Variants in MLANA observed in about 807,000 individuals in gnomAD.
MLANA encodes the protein melanoma antigen recognized by T-cells 1.
MLANA carries 21 observed loss-of-function variants against 15.7 expected under a neutral mutation model. The ratio of observed to expected loss-of-function variants is 1.33; its 90% CI spans 0.95 to 1.92. The LOEUF is 1.92. Among genes scored for constraint, MLANA ranks in the 40% most tolerant of loss-of-function variants. The probability of loss-of-function intolerance (pLI) is 0.00; values close to 1 mark genes in which losing one functional copy is unlikely to be tolerated. For synonymous variants in MLANA, 56 were observed against 51.5 expected, an observed-to-expected ratio of 1.09 and a Z score of -0.37; for missense variants, 164 against 143.8, an observed-to-expected ratio of 1.14 and a Z score of -0.72.
intron 2 of MLANA, among the ~76,000 whole-genome samples, chr9:5,893,017 C>T (rs1831752302): frequency 6.6e-6 from 1 of 152,144 alleles, no homozygotes; most frequent in Non-Finnish European, 1.5e-5. Flanking sequence ...ATGGAGGTCA[C>T]AGCCTTTGCA....
chr9:5,905,885 G>T (rs1055643380), intron 3 of MLANA, among the ~76,000 whole-genome samples: 1 of 152,070 alleles, frequency 6.6e-6, no homozygotes, highest in Non-Finnish European at 1.5e-5. Flanking sequence ...CATTCATATC[G>T]GCACAGAATA....
At position 5,910,249 on chromosome 9, in the gene MLANA, T is replaced by G; in HGVS notation, c.*1541T>G. The G allele has an allele frequency of 6.6e-6, 1 of 152,218 alleles. No homozygotes were observed. The highest frequency in any genetic ancestry group is 1.9e-4 in the East Asian group (1 of 5,196). The allele number at this position is 152,218 out of a possible 1,614,324, so 9.4% of individuals were successfully genotyped here. On this transcript the variant is annotated 3_prime_UTR_variant, in exon 5 of 5. Coordinates refer to ENST00000381477, the MANE Select transcript of MLANA (RefSeq NM_005511.2). ...TCAGTAAACCACCTAAAAATCATCTTGTCTCATCAGAAACACTAGTGTAAC... is the reference window on the plus strand; with the variant it reads ...TCAGTAAACCACCTAAAAATCATCTGGTCTCATCAGAAACACTAGTGTAAC...
chr9:5,892,062 C>T (rs1232725221), intron 1 of MLANA, among the ~76,000 whole-genome samples: 1 of 152,216 alleles, frequency 6.6e-6, no homozygotes, highest in Admixed American at 6.5e-5. Flanking sequence ...TTGTTAGCCA[C>T]AGCCCTGGGC....
intron 3 of MLANA, 84 bp downstream of exon 3, chr9:5,897,737 A>AGG: frequency 8.5e-7 from 1 of 1,178,634 alleles, no homozygotes; most frequent in Non-Finnish European, 1.3e-6. Context: ...GGAGAGTCAG[A>AGG]TAATTGCCTC....
chr9:5,900,727 G>A (rs1298761281), intron 3 of MLANA, among the ~76,000 whole-genome samples: 1 of 152,142 alleles, frequency 6.6e-6, no homozygotes, highest in Non-Finnish European at 1.5e-5. Flanking sequence ...CCTGAGCCCT[G>A]GAAAACATCT....
Position 5,908,699 on chromosome 9 carries a change from T to A in MLANA, c.348T>A (p.Tyr116Ter). The change falls in exon 5 of 5, where the codon TAT (tyrosine) becomes TAA (stop). Residue 116 changes from tyrosine to a stop codon, truncating the protein, a stop_gained. Transcript: ENST00000381477. LOFTEE classifies it high-confidence loss of function. The part of the protein sequence containing the change: ...KLSAEQSPPP[Y>*]SP Reference sequence around the variant, plus strand: ...CTGCAGAACAGTCACCACCACCTTATTCACCTTAAGAGCCAGCGAGACACC... The same window carrying A: ...CTGCAGAACAGTCACCACCACCTTAATCACCTTAAGAGCCAGCGAGACACC... 6.2e-7 allele frequency: 1 copy of A among 1,614,006 alleles called. No homozygotes were observed. The highest frequency in any genetic ancestry group is 8.5e-7 in the Non-Finnish European group (1 of 1,179,900).
intron 3 of MLANA, among the ~76,000 whole-genome samples, chr9:5,902,270 G>C (rs1832482750): frequency 6.6e-6 from 1 of 152,038 alleles, no homozygotes. Context: ...CATTCACCTA[G>C]GTTTTCAAAT....
chr9:5,894,651 G>A lies in MLANA; in HGVS notation c.77+2100G>A, dbSNP rs926610855. 2.6e-5 allele frequency among the ~76,000 whole-genome samples: 4 copies of A among 152,280 alleles called. No individual in the cohort carries two copies. Among genetic ancestry groups the A allele is most frequent in the South Asian group, 2.1e-4 (1 of 4,812 alleles). On this transcript the variant is annotated intron_variant, in intron 2 of 4. Transcript: ENST00000381477. This position sits in a 1 kb window ranked among gnomAD's most constrained non-coding sequence, Gnocchi z 4.0. ...TAATGAAGCTGGCTCTGACAATGCC[G>A]GAAAACGAGCTGGTGCTTGGCATAT...
intron 3 of MLANA, chr9:5,899,181 A>T (rs1171271284): frequency 6.6e-6 from 1 of 152,198 alleles, no homozygotes; most frequent in Non-Finnish European, 1.5e-5. Flanking sequence ...CATAATGGAA[A>T]AAAAGTATCT....
rs553864855 is a variant in MLANA at position 5,904,134 on chromosome 9, C to T, written c.175-2751C>T. ...TGGTCTCCCAAAGTGCTTGGGATTA[C>T]AGGTGTGAGCCACCATGCCTGGCCT... On this transcript the variant is annotated intron_variant, in intron 3 of 4. Transcript: ENST00000381477. 3.5e-4 allele frequency among the ~76,000 whole-genome samples: 53 copies of T among 152,254 alleles called. 1 individual carries two copies. The highest frequency in any genetic ancestry group is 3.4e-3 in the Admixed American group (52 of 15,304).
intron 2 of MLANA, among the ~76,000 whole-genome samples, chr9:5,893,058 G>C (rs1394536833): frequency 6.6e-6 from 1 of 152,136 alleles, no homozygotes; most frequent in South Asian, 2.1e-4. Context: ...AAGACATTGG[G>C]TTTTATGAGT....
intron 3 of MLANA, among the ~76,000 whole-genome samples, chr9:5,899,871 T>C (rs776386506): frequency 6.6e-6 from 1 of 152,198 alleles, no homozygotes. Flanking sequence ...TTGTCTGCCA[T>C]TGAGTTGCTT....
chr9:5,905,883 T>G (rs1418381930), intron 3 of MLANA, among the ~76,000 whole-genome samples: 1 of 152,242 alleles, frequency 6.6e-6, no homozygotes, highest in East Asian at 1.9e-4. Flanking sequence ...GTCATTCATA[T>G]CGGCACAGAA....
intron 3 of MLANA, among the ~76,000 whole-genome samples, chr9:5,906,634 G>A (rs929090794): frequency 6.6e-6 from 1 of 152,086 alleles, no homozygotes; most frequent in African/African-American, 2.4e-5. Flanking sequence ...CCAACTATTG[G>A]GTCCCAGGTA....
chr9:5,903,089 T>C (rs531366743), intron 3 of MLANA, among the ~76,000 whole-genome samples: 9 of 152,166 alleles, frequency 5.9e-5, no homozygotes, highest in Non-Finnish European at 1.2e-4. Context: ...GACTCATGTG[T>C]TATGTAGAAG....
At chr9:5,904,809 C>T (rs1165456831) in intron 3 of MLANA, among the ~76,000 whole-genome samples, 13 of 138,840 alleles carry the variant, frequency 9.4e-5, no homozygotes, top group Middle Eastern at 5.4e-3. Flanking sequence ...AGTCTCACTC[C>T]GTTGCCCAGG....
In MLANA at chr9:5,910,446, C is replaced by T. The variant is rs761715010; in HGVS notation, c.*1738C>T. On this transcript the variant is annotated 3_prime_UTR_variant, in exon 5 of 5. Transcript: ENST00000381477. ...CTTACTACTTAAAATAAGGCTTCCA[C>T]CTCTCCCACTTCAAACAAATAAATG... is the stretch of plus-strand genomic sequence containing the variant. 4.6e-5 allele frequency: 7 copies of T among 152,196 alleles called. No individual in the cohort carries two copies. The highest frequency in any genetic ancestry group is 1.7e-4 in the African/African-American group (7 of 41,442). 9.4% of individuals were successfully genotyped at this position (152,196 alleles called of 1,614,324 possible).
chr9:5,900,816 T>C (rs1832366000), intron 3 of MLANA, among the ~76,000 whole-genome samples: 1 of 152,238 alleles, frequency 6.6e-6, no homozygotes, highest in South Asian at 2.1e-4. Flanking sequence ...GTTTTTATAT[T>C]AACCAGTTTT....
intron 2 of MLANA, among the ~76,000 whole-genome samples, chr9:5,895,278 C>T (rs980873534): frequency 4.6e-5 from 7 of 152,140 alleles, no homozygotes; most frequent in African/African-American, 1.7e-4. Context: ...TAAGTAACTG[C>T]ACATGGCCAC....
Sources: gnomAD v4.1 joint callset for allele counts (sites outside exome capture counted in the v4.1 genomes callset) on GRCh38, gnomAD v4.1.1 for gene constraint, Gnocchi (gnomAD v3.1) non-coding constraint, MANE v1.5 for transcripts, NCBI Gene and HGNC (gene_info 2026-07-23, HGNC 2026-07-21) for gene names.